Variants in DLG2 observed in about 807,000 individuals in gnomAD.
DLG2 encodes the protein discs large MAGUK scaffold protein 2.
In DLG2, 45 loss-of-function variants were observed where a neutral mutation model predicts 132.5. The observed-to-expected ratio is 0.34, with a 90% CI of 0.27 to 0.44. The LOEUF is 0.44. Ranked by LOEUF, DLG2 falls within the 20% of genes least tolerant of loss-of-function variation. The pLI, the probability that DLG2 is intolerant of heterozygous loss-of-function variation, is 1.00. For missense variants in DLG2, 1,045 were observed against 1,196.9 expected (o/e 0.87, Z 1.87); for synonymous variants, 424 against 419.6 (o/e 1.01, Z -0.13).
intron 21 of DLG2, among the ~76,000 whole-genome samples, chr11:83,508,944 T>G (rs2094874986): frequency 6.6e-6 from 1 of 152,220 alleles, no homozygotes. Context: ...ACGGAAGAAT[T>G]GGTTAATAGC....
At chr11:84,009,525 C>T (rs2094767022) in intron 11 of DLG2, among the ~76,000 whole-genome samples, 1 of 151,940 alleles carries the variant, frequency 6.6e-6, no homozygotes, top group Non-Finnish European at 1.5e-5. Flanking sequence ...CAAGGAAAAG[C>T]TAAGCTGCCT....
At chr11:84,480,762 T>C (rs185749596) in intron 7 of DLG2, among the ~76,000 whole-genome samples, 115 of 150,276 alleles carry the variant, frequency 7.7e-4, no homozygotes, top group African/African-American at 2.6e-3. Context: ...TTTTCTTTTT[T>C]TTTTTTTTTT....
intron 18 of DLG2, among the ~76,000 whole-genome samples, chr11:83,698,172 C>A (rs1465437031): frequency 1.3e-5 from 2 of 152,192 alleles, no homozygotes; most frequent in African/African-American, 4.8e-5. Flanking sequence ...CAGCTTAGTA[C>A]AGTGCCTGGC....
chr11:83,537,588 G>C (rs1233758980), intron 20 of DLG2, among the ~76,000 whole-genome samples: 1 of 151,920 alleles, frequency 6.6e-6, no homozygotes, highest in Non-Finnish European at 1.5e-5. Context: ...GCCGAGGCGG[G>C]CAGATCACCA....
chr11:85,158,301 G>A (rs917346272), intron 4 of DLG2, among the ~76,000 whole-genome samples: 1 of 152,090 alleles, frequency 6.6e-6, no homozygotes, highest in Admixed American at 6.6e-5. Flanking sequence ...ATTTAATGTT[G>A]CAGCTCGAGT....
At chr11:84,807,023 C>T (rs1013753646) in intron 6 of DLG2, among the ~76,000 whole-genome samples, 1 of 151,936 alleles carries the variant, frequency 6.6e-6, no homozygotes, top group Non-Finnish European at 1.5e-5. Context: ...AGGAATTAAA[C>T]AAAAAGGTGG....
At chr11:84,203,676 A>G (rs1017475127) in intron 8 of DLG2, among the ~76,000 whole-genome samples, 10 of 152,124 alleles carry the variant, frequency 6.6e-5, no homozygotes, top group African/African-American at 9.7e-5. Flanking sequence ...TAACACAGAA[A>G]CAGAAAACCA....
intron 4 of DLG2, among the ~76,000 whole-genome samples, chr11:85,250,459 A>ATTTT (rs2076343396): frequency 6.6e-6 from 1 of 152,184 alleles, no homozygotes; most frequent in South Asian, 2.1e-4. Context: ...AAAAGAAGTT[A>ATTTT]ATCCTTTTAA....
At chr11:84,413,109 T>C (rs772105225) in intron 7 of DLG2, among the ~76,000 whole-genome samples, 11 of 152,320 alleles carry the variant, frequency 7.2e-5, no homozygotes, top group Non-Finnish European at 1.5e-4. Flanking sequence ...GTTAGGCTCA[T>C]AGACTCAGAA....
chr11:84,756,636 G>T (rs1012098903), intron 6 of DLG2, among the ~76,000 whole-genome samples: 3 of 150,010 alleles, frequency 2.0e-5, no homozygotes, highest in Non-Finnish European at 4.5e-5. Flanking sequence ...ACACAAAGTG[G>T]ATACATAACA....
chr11:84,872,067 G>A (rs534229950), intron 6 of DLG2, among the ~76,000 whole-genome samples: 2 of 152,104 alleles, frequency 1.3e-5, no homozygotes, highest in East Asian at 1.9e-4. Context: ...TCCTCTGAAG[G>A]TACATTTACT....
intron 15 of DLG2, among the ~76,000 whole-genome samples, chr11:83,922,813 A>G (rs1310518985): frequency 6.6e-6 from 1 of 152,162 alleles, no homozygotes; most frequent in African/African-American, 2.4e-5. Flanking sequence ...CACACTTTGC[A>G]AAATTAATGA....
intron 15 of DLG2, among the ~76,000 whole-genome samples, chr11:83,915,675 T>C (rs758536056): frequency 9.9e-5 from 15 of 152,190 alleles, no homozygotes; most frequent in Non-Finnish European, 1.9e-4. Context: ...TTAATGTCAC[T>C]GTGGCTATAT....
At chr11:84,993,623 AGGGT>A (rs1010884116) in intron 6 of DLG2, among the ~76,000 whole-genome samples, 6 of 152,054 alleles carry the variant, frequency 3.9e-5, no homozygotes, top group African/African-American at 1.4e-4. Context: ...GTCGGGGAGG[AGGGT>A]CAGCAGAAGT....
At chr11:85,075,864 G>C (rs1238572612) in intron 6 of DLG2, among the ~76,000 whole-genome samples, 1 of 151,842 alleles carries the variant, frequency 6.6e-6, no homozygotes, top group African/African-American at 2.4e-5. Context: ...TTTTAATCAA[G>C]GGCAACTTGT....
intron 18 of DLG2, among the ~76,000 whole-genome samples, chr11:83,745,967 A>G (rs750578700): frequency 3.9e-5 from 6 of 152,262 alleles, no homozygotes; most frequent in Non-Finnish European, 7.3e-5. Context: ...GCCAACAGAC[A>G]CATGAAAAAA....
chr11:83,487,551 C>CTGT (rs2093597742), intron 21 of DLG2, among the ~76,000 whole-genome samples: 2 of 152,036 alleles, frequency 1.3e-5, no homozygotes, highest in Admixed American at 6.6e-5. Context: ...GCAAATATCA[C>CTGT]TGTTTTTAAG....
intron 6 of DLG2, among the ~76,000 whole-genome samples, chr11:84,843,033 G>T (rs1453055534): frequency 6.6e-6 from 1 of 151,922 alleles, no homozygotes; most frequent in African/African-American, 2.4e-5. Context: ...GTTATGAAAT[G>T]TGAATATATT....
chr11:84,775,615 C>G (rs1304193783), intron 6 of DLG2, among the ~76,000 whole-genome samples: 1 of 152,074 alleles, frequency 6.6e-6, no homozygotes, highest in African/African-American at 2.4e-5. Flanking sequence ...ATGTTCTTTG[C>G]AGCAACATGG....
Sources: gnomAD v4.1 joint callset for allele counts (sites outside exome capture counted in the v4.1 genomes callset) on GRCh38, gnomAD v4.1.1 for gene constraint, MANE v1.5 for transcripts, NCBI Gene and HGNC (gene_info 2026-07-23, HGNC 2026-07-21) for gene names.